Variants in DUSP29 observed in about 807,000 individuals in gnomAD.
DUSP29 encodes the protein atypical dual-specific protein phosphatase.
A neutral mutation model predicts 13.5 loss-of-function variants in DUSP29; 12 were observed. The observed-to-expected ratio is 0.89, with a 90% CI of 0.57 to 1.44. The LOEUF is 1.44. Among genes scored for constraint, DUSP29 ranks in the 40% most tolerant of loss-of-function variants. The pLI is 0.00. For missense variants in DUSP29, 308 were observed against 301.1 expected (o/e 1.02, Z -0.17); for synonymous variants, 134 against 128.7 (o/e 1.04, Z -0.28).
chr10:75,064,288 TCA>T (rs1484319249), intron 1 of DUSP29, among the ~76,000 whole-genome samples: 1 of 152,078 alleles, frequency 6.6e-6, no homozygotes, highest in African/African-American at 2.4e-5. Flanking sequence ...GGCAGGTGGA[TCA>T]CAGAGTCAAG....
chr10:75,048,997 C>G (rs1846765533), intron 2 of DUSP29, among the ~76,000 whole-genome samples: 1 of 152,116 alleles, frequency 6.6e-6, no homozygotes, highest in African/African-American at 2.4e-5. Flanking sequence ...TTGAATGATG[C>G]AATACTGAAG....
intron 3 of DUSP29, among the ~76,000 whole-genome samples, chr10:75,040,162 C>T (rs758123021): frequency 6.6e-6 from 1 of 152,014 alleles, no homozygotes; most frequent in African/African-American, 2.4e-5. Flanking sequence ...GGTGACAGAG[C>T]GAGATTCCGT....
intron 1 of DUSP29, among the ~76,000 whole-genome samples, chr10:75,066,504 T>C (rs1847204387): frequency 6.6e-6 from 1 of 152,306 alleles, no homozygotes; most frequent in Middle Eastern, 3.4e-3. Context: ...ATATTAACAC[T>C]GGCTACATGC....
At chr10:75,045,999 C>T (rs1260825581) in intron 2 of DUSP29, among the ~76,000 whole-genome samples, 46 of 151,996 alleles carry the variant, frequency 3.0e-4, no homozygotes, top group South Asian at 2.1e-4. Context: ...GCCTGTAGTC[C>T]CAGCTACTGG....
At chr10:75,069,251 C>T (rs944348318) in intron 1 of DUSP29, among the ~76,000 whole-genome samples, 13 of 152,300 alleles carry the variant, frequency 8.5e-5, no homozygotes, top group Non-Finnish European at 1.6e-4. Flanking sequence ...CCACACTCAG[C>T]TTCCTTCTCA....
chr10:75,073,426 C>A (rs908747568), intron 1 of DUSP29, among the ~76,000 whole-genome samples, 143 bp downstream of exon 1: 4 of 152,196 alleles, frequency 2.6e-5, no homozygotes, highest in Admixed American at 2.6e-4. Flanking sequence ...CAGCAAGAAA[C>A]CTTTCACACT....
At chr10:75,053,107 A>G (rs1846881794) in intron 2 of DUSP29, among the ~76,000 whole-genome samples, 1 of 152,202 alleles carries the variant, frequency 6.6e-6, no homozygotes, top group Non-Finnish European at 1.5e-5. Context: ...CTGCATTGTG[A>G]GTGAGAAAGA....
At chr10:75,051,033 G>A (rs1264546830) in intron 2 of DUSP29, among the ~76,000 whole-genome samples, 3 of 152,226 alleles carry the variant, frequency 2.0e-5, no homozygotes, top group Admixed American at 6.5e-5. Flanking sequence ...ATGCTTTAGC[G>A]ATTTTGAAAC....
At chr10:75,051,287 A>T (rs1490832848) in intron 2 of DUSP29, among the ~76,000 whole-genome samples, 1 of 152,238 alleles carries the variant, frequency 6.6e-6, no homozygotes, top group East Asian at 1.9e-4. Context: ...GAATTTCCAG[A>T]ACCTGCCTGA....
At chr10:75,045,304 A>C (rs1846682870) in intron 2 of DUSP29, among the ~76,000 whole-genome samples, 1 of 152,240 alleles carries the variant, frequency 6.6e-6, no homozygotes, top group African/African-American at 2.4e-5. Flanking sequence ...CAGGAAGTGG[A>C]GGTTGTCGTG....
At chr10:75,068,404 G>A (rs1847249543) in intron 1 of DUSP29, among the ~76,000 whole-genome samples, 1 of 152,188 alleles carries the variant, frequency 6.6e-6, no homozygotes, top group South Asian at 2.1e-4. Flanking sequence ...TTGAGCCCAG[G>A]AGTTTGAGGC....
intron 2 of DUSP29, among the ~76,000 whole-genome samples, chr10:75,054,920 G>A (rs1162000146): frequency 6.6e-6 from 1 of 152,002 alleles, no homozygotes; most frequent in Non-Finnish European, 1.5e-5. Context: ...GCTCACTGTA[G>A]CCATGACCTC....
chr10:75,047,835 C>T (rs1241703536), intron 2 of DUSP29, among the ~76,000 whole-genome samples: 1 of 152,164 alleles, frequency 6.6e-6, no homozygotes, highest in Non-Finnish European at 1.5e-5. Flanking sequence ...GAGATAAAGG[C>T]TATTGTTAGC....
chr10:75,037,983 G>T lies in DUSP29; in HGVS notation c.516C>A (p.Asp172Glu). ...LMIHKDMTLV[D>E]AIQQVAKNRC... ...GGTTCTTGGCCACTTGCTGGATGGC[G>T]TCCACCAGGGTCATGTCCTTGTGGA... is the stretch of plus-strand genomic sequence containing the variant. Residue 172 changes from aspartate to glutamate, a missense_variant, in exon 4 of 4, where the codon GAC (aspartate) becomes GAA (glutamate). Coordinates refer to ENST00000338487, the MANE Select transcript of DUSP29 (RefSeq NM_001003892.3). 6.2e-7 allele frequency: 1 copy of T among 1,613,934 alleles called. No homozygotes were observed.
At position 75,045,155 on chromosome 10, in the gene DUSP29, G is replaced by A. The variant is rs571681148; in HGVS notation, c.201-1138C>T. ...GCAAATCACATGAGGTCAGGAGTTC[G>A]AGACCAGCCTGGTCAACGTGGCGAA... On this transcript the variant is annotated intron_variant, in intron 2 of 3. Coordinates refer to ENST00000338487, the MANE Select transcript of DUSP29 (RefSeq NM_001003892.3). Among the ~76,000 whole-genome samples the A allele has an allele frequency of 6.6e-5, 10 of 152,288 alleles. No homozygotes were observed. In the East Asian group the frequency reaches 1.7e-3, roughly 26 times the overall value.
In DUSP29 at chr10:75,043,777, C is replaced by A. The variant is rs749643908; in HGVS notation, c.421+20G>T. 8.2e-6 allele frequency: 13 copies of A among 1,590,432 alleles called. No individual in the cohort carries two copies. The highest frequency in any genetic ancestry group is 2.3e-5 in the East Asian group (1 of 44,028). ...CGGGGCGGGGCGGGGCCGATCGGGG[C>A]GGGGCCGCGGGTCTCTTACTGTGGT... is the stretch of plus-strand genomic sequence containing the variant. On this transcript the variant is annotated intron_variant, in intron 3 of 3. Coordinates refer to ENST00000338487, the MANE Select transcript of DUSP29 (RefSeq NM_001003892.3).
At chr10:75,055,426 A>C (rs542306462) in intron 2 of DUSP29, among the ~76,000 whole-genome samples, 1 of 152,324 alleles carries the variant, frequency 6.6e-6, no homozygotes, top group African/African-American at 2.4e-5. Context: ...AAAGGAATCA[A>C]ATACTGATAC....
intron 2 of DUSP29, among the ~76,000 whole-genome samples, chr10:75,048,358 C>T (rs1589859842): frequency 2.0e-5 from 3 of 147,462 alleles, no homozygotes; most frequent in African/African-American, 2.5e-5. Context: ...TTTTTTTACT[C>T]TTCCCAGTTC....
rs533971802 is a variant in DUSP29, at chr10:75,040,362, A to G, written c.422-2285T>C. ...ACTGCCAAAAGGAGAGCGTGATACTAAAGTCTGATCTTTAGCGCCTCGTGG... is the reference window on the plus strand; with the variant it reads ...ACTGCCAAAAGGAGAGCGTGATACTGAAGTCTGATCTTTAGCGCCTCGTGG... On this transcript the variant is annotated intron_variant, in intron 3 of 3. Coordinates refer to ENST00000338487, the MANE Select transcript of DUSP29 (RefSeq NM_001003892.3). Among the ~76,000 whole-genome samples, 8 of 152,320 alleles carry G rather than the reference A, an allele frequency of 5.3e-5. No homozygotes were observed. The East Asian group carries it at 1.5e-3, about 29-fold the overall frequency.
Sources: allele counts gnomAD v4.1 joint callset (sites outside exome capture counted in the v4.1 genomes callset), GRCh38; gene constraint gnomAD v4.1.1; transcripts MANE v1.5; gene names NCBI Gene and HGNC (gene_info 2026-07-23, HGNC 2026-07-21).